Variants in SPIDR observed in about 807,000 individuals in gnomAD.
SPIDR encodes DNA repair-scaffolding protein.
In SPIDR, 93 loss-of-function variants were observed where a neutral mutation model predicts 104.6. That is an observed-to-expected ratio of 0.89 (90% CI 0.75 to 1.06). The LOEUF (loss-of-function observed/expected upper bound fraction) is 1.06, where lower values mean the gene tolerates loss of function less well. Ranked by LOEUF, SPIDR falls within the 50% of genes least tolerant of loss-of-function variation. SPIDR has a pLI of 0.00. For synonymous variants in SPIDR, 431 were observed against 416.9 expected (o/e 1.03, Z -0.41); for missense variants, 1,154 against 1,111.2 (o/e 1.04, Z -0.55).
intron 8 of SPIDR, among the ~76,000 whole-genome samples, chr8:47,489,983 A>G (rs575168716): frequency 1.4e-4 from 21 of 152,358 alleles, no homozygotes; most frequent in African/African-American, 3.6e-4. Flanking sequence ...AATGGCAACA[A>G]AAGCCAAAAT....
intron 11 of SPIDR, among the ~76,000 whole-genome samples, chr8:47,695,204 C>T (rs1199757166): frequency 2.6e-5 from 4 of 151,922 alleles, no homozygotes; most frequent in African/African-American, 7.3e-5. Context: ...GAAAGGCTCT[C>T]GGAACCTCCA....
rs2083952948 is a variant in SPIDR, at chr8:47,520,849, T to C, written c.1098-74962T>C. Among the ~76,000 whole-genome samples, 5 of 152,280 alleles carry C rather than the reference T, an allele frequency of 3.3e-5. No individual in the cohort carries two copies. The South Asian group carries it at 1.0e-3, about 32-fold the overall frequency. On this transcript the variant is annotated intron_variant, in intron 8 of 19. Coordinates refer to ENST00000297423, the MANE Select transcript of SPIDR (RefSeq NM_001080394.4). ...TGTAGATGAAAGTAGGGTTTGCTGATGGCCCTGAGAAAATCTTAACAAACT... is the reference window on the plus strand; with the variant it reads ...TGTAGATGAAAGTAGGGTTTGCTGACGGCCCTGAGAAAATCTTAACAAACT...
chr8:47,260,932 C>CGG (rs2031937068), upstream of SPIDR: 1 of 1,225,360 alleles, frequency 8.2e-7, no homozygotes. Context: ...GCTGAGGAGG[C>CGG]GGTGCGCTCA....
intron 8 of SPIDR, among the ~76,000 whole-genome samples, chr8:47,488,883 A>C (rs1372594261): frequency 6.6e-6 from 1 of 152,188 alleles, no homozygotes; most frequent in Non-Finnish European, 1.5e-5. Flanking sequence ...TGACAAACCC[A>C]CAGCCAATAT....
intron 5 of SPIDR, among the ~76,000 whole-genome samples, chr8:47,340,067 T>A (rs2050454583): frequency 6.6e-6 from 1 of 152,160 alleles, no homozygotes; most frequent in East Asian, 1.9e-4. Context: ...TAGTATAATT[T>A]TGTGGGGCTT....
At chr8:47,444,014 TAA>T (rs1407608118) in intron 8 of SPIDR, among the ~76,000 whole-genome samples, 1 of 152,206 alleles carries the variant, frequency 6.6e-6, no homozygotes, top group African/African-American at 2.4e-5. Flanking sequence ...TAGAATTATA[TAA>T]GTCACCAACT....
At chr8:47,643,515 GTGT>G (rs33933986) in intron 10 of SPIDR, among the ~76,000 whole-genome samples, 99,060 of 148,868 alleles carry the variant, frequency 0.67, 33,276 homozygotes, top group East Asian at 0.8. Flanking sequence ...CACCTGGCTA[GTGT>G]TGTTGTTGTT....
intron 10 of SPIDR, among the ~76,000 whole-genome samples, chr8:47,605,007 G>A (rs186482607): frequency 1.2e-3 from 182 of 152,356 alleles, no homozygotes; most frequent in Admixed American, 3.3e-3. Context: ...GCACTAATGC[G>A]TGTGAGTGCA....
intron 5 of SPIDR, among the ~76,000 whole-genome samples, chr8:47,295,295 G>C (rs945070040): frequency 1.3e-5 from 2 of 152,092 alleles, no homozygotes; most frequent in Non-Finnish European, 2.9e-5. Context: ...TCCTCCTTAT[G>C]AGTTGTATTT....
At chr8:47,621,374 A>G (rs1301854147) in intron 10 of SPIDR, among the ~76,000 whole-genome samples, 1 of 152,224 alleles carries the variant, frequency 6.6e-6, no homozygotes, top group Non-Finnish European at 1.5e-5. Flanking sequence ...TTGAAAGTGA[A>G]GCCCAAATGA....
intron 8 of SPIDR, among the ~76,000 whole-genome samples, chr8:47,591,876 G>A (rs1410974513): frequency 3.3e-5 from 5 of 151,344 alleles, no homozygotes; most frequent in Admixed American, 6.6e-5. Flanking sequence ...CAGGATGGGG[G>A]AAGTAAATAG....
At chr8:47,644,654 A>G (rs1452998128) in intron 10 of SPIDR, among the ~76,000 whole-genome samples, 2 of 152,242 alleles carry the variant, frequency 1.3e-5, no homozygotes, top group Non-Finnish European at 2.9e-5. Context: ...TGTGATTGAT[A>G]TATTAATGAG....
chr8:47,308,280 C>G (rs1292757590), intron 5 of SPIDR, among the ~76,000 whole-genome samples: 6 of 151,896 alleles, frequency 4.0e-5, no homozygotes, highest in Non-Finnish European at 8.8e-5. Flanking sequence ...CCAGGCTCGT[C>G]TCAAACTCCT....
intron 7 of SPIDR, among the ~76,000 whole-genome samples, chr8:47,419,937 G>C (rs1178980668): frequency 7.2e-5 from 11 of 152,146 alleles, no homozygotes; most frequent in African/African-American, 1.4e-4. Flanking sequence ...TTTTGAGTGA[G>C]TTTCTTAATC....
intron 5 of SPIDR, among the ~76,000 whole-genome samples, chr8:47,335,031 A>G (rs1020877887): frequency 1.3e-5 from 2 of 152,166 alleles, no homozygotes; most frequent in Non-Finnish European, 2.9e-5. Flanking sequence ...AAATTATCCT[A>G]ATTTCTCCTT....
intron 5 of SPIDR, among the ~76,000 whole-genome samples, chr8:47,317,339 G>A (rs1044272853): frequency 2.6e-5 from 4 of 151,982 alleles, no homozygotes; most frequent in African/African-American, 4.8e-5. Context: ...CTACACCTGC[G>A]GAGCCTCGCT....
chr8:47,731,591 G>A (rs999821320), intron 19 of SPIDR, among the ~76,000 whole-genome samples: 6 of 152,254 alleles, frequency 3.9e-5, no homozygotes, highest in Admixed American at 3.3e-4. Context: ...TCATCGTTAC[G>A]CCACAGAGTG....
At chr8:47,272,401 G>T (rs1401945699) in intron 1 of SPIDR, among the ~76,000 whole-genome samples, 1 of 152,180 alleles carries the variant, frequency 6.6e-6, no homozygotes. Context: ...TTTGTTTAAT[G>T]ATTTTCCTGG....
chr8:47,466,805 A>G (rs2074862449), intron 8 of SPIDR, among the ~76,000 whole-genome samples: 1 of 151,628 alleles, frequency 6.6e-6, no homozygotes, highest in South Asian at 2.1e-4. Context: ...GCAGAACATA[A>G]GAAATAACCA....
Sources: allele counts gnomAD v4.1 joint callset (sites outside exome capture counted in the v4.1 genomes callset), GRCh38; gene constraint gnomAD v4.1.1; transcripts MANE v1.5; gene names NCBI Gene and HGNC (gene_info 2026-07-23, HGNC 2026-07-21).